Variants in MECOM observed in about 807,000 individuals in gnomAD.
MECOM encodes the protein histone-lysine N-methyltransferase MECOM.
A neutral mutation model predicts 116.3 loss-of-function variants in MECOM; 13 were observed. The ratio of observed to expected loss-of-function variants is 0.11; its 90% CI spans 0.07 to 0.18. The LOEUF (loss-of-function observed/expected upper bound fraction) is 0.18. MECOM is among the 10% of genes least tolerant of loss of function. The probability of loss-of-function intolerance (pLI) is 1.00; values close to 1 mark genes in which losing one functional copy is unlikely to be tolerated. For missense variants in MECOM, 1,299 were observed against 1,509.0 expected (o/e 0.86, Z 2.31); for synonymous variants, 528 against 535.2 (o/e 0.99, Z 0.19).
rs146855410 is a variant in MECOM, at chr3:169,495,846, C to G, written c.38-114322G>C. On this transcript the variant is annotated intron_variant, in intron 1 of 16. Coordinates refer to ENST00000651503, the MANE Select transcript of MECOM (RefSeq NM_004991.4). ...CCGCTTACTAGCTGAAAACTTTCAG[C>G]AGGTTGGGGTTGTCCTTTCCTCTTC... Among the ~76,000 whole-genome samples, 16 of 152,310 alleles carry G rather than the reference C, an allele frequency of 1.1e-4. No individual in the cohort carries two copies. The East Asian group carries it at 3.1e-3, about 29-fold the overall frequency.
intron 2 of MECOM, among the ~76,000 whole-genome samples, chr3:169,302,137 A>T (rs1716838069): frequency 6.6e-6 from 1 of 152,264 alleles, no homozygotes; most frequent in African/African-American, 2.4e-5. Context: ...TAGACACTCC[A>T]GCAATAGCTG....
intron 1 of MECOM, among the ~76,000 whole-genome samples, chr3:169,511,335 T>G (rs1755926263): frequency 6.6e-6 from 1 of 152,242 alleles, no homozygotes; most frequent in Admixed American, 6.5e-5. Flanking sequence ...GGGAAGACAG[T>G]GGCTCAATGA....
At chr3:169,415,897 G>C (rs1274309967) in intron 1 of MECOM, among the ~76,000 whole-genome samples, 1 of 152,042 alleles carries the variant, frequency 6.6e-6, no homozygotes, top group Non-Finnish European at 1.5e-5. Context: ...GACCTACAAA[G>C]AGACTTAGAC....
Position 169,235,636 on chromosome 3 carries a change from CTA to C in MECOM, c.376-91806_376-91805del, listed in dbSNP as rs200912200. Among the ~76,000 whole-genome samples, 1,252 of 152,154 alleles carry C rather than the reference CTA, an allele frequency of 8.2e-3. 12 individuals are homozygous for C. Among genetic ancestry groups the C allele is most frequent in the African/African-American group, 0.028 (1,179 of 41,514 alleles). ...TTCTTTAAAATTAAAGTGATAGACT[CTA>C]TGGATAAATGAAAACATATCTAAAT... On this transcript the variant is annotated intron_variant, in intron 2 of 16. Transcript: ENST00000651503.
intron 1 of MECOM, among the ~76,000 whole-genome samples, chr3:169,647,260 C>A (rs907284957): frequency 6.6e-6 from 1 of 152,206 alleles, no homozygotes; most frequent in East Asian, 1.9e-4. Context: ...AACATGTCTC[C>A]AGAGCGCTCA....
At chr3:169,302,129 G>C (rs1324709054) in intron 2 of MECOM, among the ~76,000 whole-genome samples, 3 of 152,220 alleles carry the variant, frequency 2.0e-5, no homozygotes, top group African/African-American at 7.2e-5. Context: ...GACAGGACTA[G>C]ACACTCCAGC....
At chr3:169,639,942 C>T (rs920234792) in intron 1 of MECOM, among the ~76,000 whole-genome samples, 5 of 152,128 alleles carry the variant, frequency 3.3e-5, no homozygotes, top group Non-Finnish European at 7.4e-5. Flanking sequence ...CATTCTGGGC[C>T]ACCTGTGCCT....
chr3:169,330,898 A>C (rs2149772977), intron 2 of MECOM, among the ~76,000 whole-genome samples: 1 of 152,174 alleles, frequency 6.6e-6, no homozygotes, highest in East Asian at 1.9e-4. Flanking sequence ...ATATTTGTCT[A>C]TATATAGAAA....
chr3:169,448,246 A>G (rs1744978207), intron 1 of MECOM, among the ~76,000 whole-genome samples: 1 of 152,176 alleles, frequency 6.6e-6, no homozygotes, highest in South Asian at 2.1e-4. Context: ...TATCTTGTAA[A>G]ATGCCACTCG....
chr3:169,095,606 ACATT>A (rs746509272), intron 12 of MECOM, among the ~76,000 whole-genome samples: 2 of 152,202 alleles, frequency 1.3e-5, no homozygotes, highest in Non-Finnish European at 2.9e-5. Flanking sequence ...CAAACAAAAA[ACATT>A]CATATAGTTT....
chr3:169,208,322 T>G (rs1750232213), intron 2 of MECOM, among the ~76,000 whole-genome samples: 1 of 148,434 alleles, frequency 6.7e-6, no homozygotes, highest in Non-Finnish European at 1.5e-5. Context: ...TGTATTATAT[T>G]ATATATATAA....
At chr3:169,209,011 G>C (rs989394707) in intron 2 of MECOM, among the ~76,000 whole-genome samples, 1 of 151,730 alleles carries the variant, frequency 6.6e-6, no homozygotes, top group Non-Finnish European at 1.5e-5. Flanking sequence ...TAGAACAATG[G>C]AACAGAACAG....
intron 2 of MECOM, among the ~76,000 whole-genome samples, chr3:169,363,734 G>C (rs1473732277): frequency 6.6e-6 from 1 of 151,854 alleles, no homozygotes; most frequent in Non-Finnish European, 1.5e-5. Flanking sequence ...ACATGAAAGA[G>C]GAAGTTTTCC....
chr3:169,120,500 C>CAAGT (rs1452426772), intron 7 of MECOM, among the ~76,000 whole-genome samples: 23 of 152,276 alleles, frequency 1.5e-4, no homozygotes, highest in Admixed American at 1.5e-3. Flanking sequence ...TGCTTTTCTT[C>CAAGT]AAGTAACAGA....
At chr3:169,606,604 T>C (rs1395425940) in intron 1 of MECOM, among the ~76,000 whole-genome samples, 1 of 152,024 alleles carries the variant, frequency 6.6e-6, no homozygotes, top group African/African-American at 2.4e-5. Flanking sequence ...AGGAAAGAAA[T>C]GTCTTTCTTT....
intron 2 of MECOM, among the ~76,000 whole-genome samples, chr3:169,206,288 A>T (rs1749903886): frequency 6.6e-6 from 1 of 152,214 alleles, no homozygotes; most frequent in South Asian, 2.1e-4. Flanking sequence ...ATAAGTTGAA[A>T]GATCTAATAA....
At chr3:169,103,141 T>A (rs914104133) in intron 10 of MECOM, among the ~76,000 whole-genome samples, 1 of 150,842 alleles carries the variant, frequency 6.6e-6, no homozygotes, top group African/African-American at 2.5e-5. Context: ...TTTTAAAAAC[T>A]TTTTGTAGAG....
At chr3:169,456,491 A>G (rs945741806) in intron 1 of MECOM, among the ~76,000 whole-genome samples, 2 of 152,216 alleles carry the variant, frequency 1.3e-5, no homozygotes, top group Admixed American at 6.5e-5. Flanking sequence ...GTAAACAACA[A>G]TAATATGGTA....
chr3:169,172,403 TTGTA>T (rs1024056802), intron 2 of MECOM, among the ~76,000 whole-genome samples: 7 of 112,824 alleles, frequency 6.2e-5, no homozygotes, highest in African/African-American at 2.2e-4. Flanking sequence ...GCAGGTACCC[TTGTA>T]TGTGTGTGTG....
Sources: gnomAD v4.1 joint callset for allele counts (sites outside exome capture counted in the v4.1 genomes callset) on GRCh38, gnomAD v4.1.1 for gene constraint, MANE v1.5 for transcripts, NCBI Gene and HGNC (gene_info 2026-07-23, HGNC 2026-07-21) for gene names.